GLIS3: variants seen among roughly 807,000 people sequenced by gnomAD.
GLIS3 encodes the protein zinc finger protein GLIS3.
A neutral mutation model predicts 78.6 loss-of-function variants in GLIS3; 53 were observed. That is an observed-to-expected ratio of 0.67 (90% confidence interval 0.54 to 0.85). The LOEUF (loss-of-function observed/expected upper bound fraction) is 0.85, where lower values mean the gene tolerates loss of function less well. Among genes scored for constraint, GLIS3 ranks in the 40% least tolerant of loss-of-function variants. The probability of loss-of-function intolerance (pLI) is 0.00; values close to 1 mark genes in which losing one functional copy is unlikely to be tolerated. For synonymous variants in GLIS3, 684 were observed against 509.9 expected (o/e 1.34, Z -4.60); for missense variants, 1,703 against 1,231.1 (o/e 1.38, Z -5.74).
intron 3 of GLIS3, among the ~76,000 whole-genome samples, chr9:4,121,713 C>T (rs1242377357): frequency 6.6e-6 from 1 of 151,834 alleles, no homozygotes; most frequent in Non-Finnish European, 1.5e-5. Flanking sequence ...TAGGCAGTGA[C>T]CTACTGGATC....
the GLIS3 span, among the ~76,000 whole-genome samples, chr9:4,427,774 G>A: frequency 6.6e-5 from 10 of 151,830 alleles, no homozygotes; most frequent in Non-Finnish European, 1.0e-4. Flanking sequence ...CACAAGAATC[G>A]CTTGAATCCA....
chr9:4,080,851 C>T (rs569437165), intron 4 of GLIS3, among the ~76,000 whole-genome samples: 44 of 152,246 alleles, frequency 2.9e-4, no homozygotes, highest in African/African-American at 9.4e-4. Flanking sequence ...CCAGGCCTTC[C>T]GTTGGATCAT....
chr9:3,847,248 C>T (rs1819113784), intron 9 of GLIS3, among the ~76,000 whole-genome samples: 1 of 152,028 alleles, frequency 6.6e-6, no homozygotes, highest in Non-Finnish European at 1.5e-5. Context: ...GGCAGAGAAA[C>T]AGGCAGGAAG....
chr9:4,196,019 T>G (rs1818807031), intron 2 of GLIS3, among the ~76,000 whole-genome samples: 1 of 152,004 alleles, frequency 6.6e-6, no homozygotes, highest in African/African-American at 2.4e-5. Context: ...GTCTAGCTAA[T>G]CTAGTGGGGA....
At chr9:4,154,609 T>TGATAAA (rs71497520) in intron 2 of GLIS3, among the ~76,000 whole-genome samples, 84,186 of 151,428 alleles carry the variant, frequency 0.56, 24,080 homozygotes, top group African/African-American at 0.7. Flanking sequence ...TGCGAATCAA[T>TGATAAA]GATAAACATT....
chr9:4,256,092 T>G (rs201626799), intron 2 of GLIS3, among the ~76,000 whole-genome samples: 17 of 152,010 alleles, frequency 1.1e-4, no homozygotes, highest in Non-Finnish European at 2.1e-4. Flanking sequence ...AAAAGAGTCA[T>G]AAAGGTAAAA....
In GLIS3 at chr9:4,253,759, G is replaced by A. The variant is rs138201684; in HGVS notation, c.388+32279C>T. Among the ~76,000 whole-genome samples the A allele has an allele frequency of 5.4e-3, 817 of 152,288 alleles. 9 individuals are homozygous for A. Among genetic ancestry groups the A allele is most frequent in the African/African-American group, 0.019 (772 of 41,560 alleles). On this transcript the variant is annotated intron_variant, in intron 2 of 10. Coordinates refer to ENST00000381971, the MANE Select transcript of GLIS3 (RefSeq NM_001042413.2). The stretch of plus-strand genomic sequence containing the variant: ...GTGTAGGCATCCAAGGGAACATCCC[G>A]GTCTGCAGGTTGTGAAGACCATGGG...
At chr9:4,137,764 T>C (rs1340899426) in intron 2 of GLIS3, among the ~76,000 whole-genome samples, 3 of 152,222 alleles carry the variant, frequency 2.0e-5, no homozygotes, top group Non-Finnish European at 4.4e-5. Context: ...TGTAATGATT[T>C]GCCAAGTTAA....
chr9:4,280,264 C>T (rs1827425354), intron 2 of GLIS3, among the ~76,000 whole-genome samples: 2 of 152,230 alleles, frequency 1.3e-5, no homozygotes, highest in African/African-American at 4.8e-5. Flanking sequence ...CTCAAGCCAT[C>T]CGCCCACCGT....
chr9:4,239,421 G>A (rs1047778422), intron 2 of GLIS3, among the ~76,000 whole-genome samples: 2 of 150,806 alleles, frequency 1.3e-5, no homozygotes, highest in South Asian at 2.1e-4. Flanking sequence ...TACTGTATTC[G>A]TATTCCAATG....
intron 4 of GLIS3, among the ~76,000 whole-genome samples, chr9:3,984,573 G>A (rs1032648887): frequency 6.6e-6 from 1 of 152,196 alleles, no homozygotes; most frequent in Admixed American, 6.5e-5. Context: ...AGGTGGAAAG[G>A]ACTTGCCTTG....
intron 2 of GLIS3, among the ~76,000 whole-genome samples, chr9:4,321,807 C>A (rs947878726): frequency 6.6e-6 from 1 of 152,070 alleles, no homozygotes; most frequent in African/African-American, 2.4e-5. Flanking sequence ...CTCCCGGATT[C>A]AAGTGATTCT....
the GLIS3 span, among the ~76,000 whole-genome samples, chr9:4,440,539 G>T: frequency 6.6e-6 from 1 of 152,012 alleles, no homozygotes; most frequent in African/African-American, 2.4e-5. Context: ...CCATTAGTTT[G>T]TCTGTTTTTA....
chr9:4,430,146 A>C, the GLIS3 span, among the ~76,000 whole-genome samples: 5 of 152,182 alleles, frequency 3.3e-5, no homozygotes, highest in Non-Finnish European at 7.3e-5. Flanking sequence ...GTAATGTAAA[A>C]ACCAGCAGGC....
At chr9:4,274,287 C>G (rs1229996079) in intron 2 of GLIS3, among the ~76,000 whole-genome samples, 3 of 152,146 alleles carry the variant, frequency 2.0e-5, no homozygotes, top group African/African-American at 7.2e-5. Context: ...TGCTGCATCC[C>G]TTGATCAAAA....
intron 1 of GLIS3, among the ~76,000 whole-genome samples, chr9:4,288,693 T>A (rs926319700): frequency 6.6e-6 from 1 of 151,570 alleles, no homozygotes; most frequent in Non-Finnish European, 1.5e-5. Context: ...TTTATTTTAT[T>A]TTTTTTATAA....
intron 9 of GLIS3, among the ~76,000 whole-genome samples, chr9:3,842,578 G>A (rs925134012): frequency 5.9e-5 from 9 of 152,090 alleles, no homozygotes; most frequent in African/African-American, 2.2e-4. Flanking sequence ...GGGGAGCCAC[G>A]GTGAGAGGGC....
At chr9:3,901,424 T>G (rs1245554173) in intron 6 of GLIS3, among the ~76,000 whole-genome samples, 1 of 152,210 alleles carries the variant, frequency 6.6e-6, no homozygotes, top group Non-Finnish European at 1.5e-5. Flanking sequence ...TCGGTCATAG[T>G]GAAGTATTTA....
chr9:3,984,490 G>A (rs1819564208), intron 4 of GLIS3, among the ~76,000 whole-genome samples: 1 of 152,112 alleles, frequency 6.6e-6, no homozygotes, highest in South Asian at 2.1e-4. Context: ...TCTCCCATTT[G>A]GAATGGCTGT....
Sources: allele counts gnomAD v4.1 joint callset (sites outside exome capture counted in the v4.1 genomes callset), GRCh38; gene constraint gnomAD v4.1.1; transcripts MANE v1.5; gene names NCBI Gene and HGNC (gene_info 2026-07-23, HGNC 2026-07-21).